The following XRN1 variants were observed in gnomAD, a reference collection of about 807,000 sequenced individuals.
XRN1 encodes strand-exchange protein 1 homolog.
A neutral mutation model predicts 222.3 loss-of-function variants in XRN1; 67 were observed. The observed-to-expected ratio is 0.30, with a 90% CI of 0.25 to 0.37. XRN1 has a LOEUF of 0.37. XRN1 is among the 10% of genes least tolerant of loss of function. The pLI is 1.00. For synonymous variants in XRN1, 643 were observed against 652.4 expected (o/e 0.99, Z 0.22); for missense variants, 1,707 against 2,000.2 (o/e 0.85, Z 2.80).
intron 29 of XRN1, among the ~76,000 whole-genome samples, chr3:142,361,634 T>C (rs2066633469): frequency 6.6e-6 from 1 of 152,236 alleles, no homozygotes; most frequent in African/African-American, 2.4e-5. Context: ...CAAGTCTTTC[T>C]AGTCTGTATG....
chr3:142,388,493 C>A (rs1159114723), intron 20 of XRN1, among the ~76,000 whole-genome samples: 1 of 152,182 alleles, frequency 6.6e-6, no homozygotes, highest in East Asian at 1.9e-4. Flanking sequence ...ACCTCCCACA[C>A]TGTTCAAAGA....
chr3:142,401,355 A>G (rs1202411841), intron 18 of XRN1, among the ~76,000 whole-genome samples: 1 of 152,234 alleles, frequency 6.6e-6, no homozygotes, highest in Non-Finnish European at 1.5e-5. Flanking sequence ...GAAAGCTTTC[A>G]TAAACCATAA....
chr3:142,397,283 A>C (rs1179086094), intron 20 of XRN1, 46 bp downstream of exon 20: 1 of 1,510,830 alleles, frequency 6.6e-7, no homozygotes, highest in Non-Finnish European at 8.9e-7. Context: ...AGTACATTAA[A>C]ACGGATTTTA....
At chr3:142,314,951 GTTTTTTT>G (rs1204432176) in intron 39 of XRN1, among the ~76,000 whole-genome samples, 1 of 88,608 alleles carries the variant, frequency 1.1e-5, no homozygotes, top group Non-Finnish European at 2.2e-5. Flanking sequence ...TCTGTCGTCT[GTTTTTTT>G]TTTTTTTTTT....
chr3:142,377,261 C>A (rs959880210), intron 23 of XRN1, among the ~76,000 whole-genome samples: 1 of 149,232 alleles, frequency 6.7e-6, no homozygotes, highest in Non-Finnish European at 1.5e-5. Context: ...AATATTTAAC[C>A]AGGAAGCAAA....
At chr3:142,400,572 A>G in intron 18 of XRN1, 25 bp from the exon 19 acceptor site, 1 of 1,584,116 alleles carries the variant, frequency 6.3e-7, no homozygotes, top group Middle Eastern at 1.7e-4. Context: ...AAAAAAGTTC[A>G]TTCATGATTT....
At chr3:142,404,138 G>T (rs2068250765) in intron 16 of XRN1, 149 bp from the exon 17 acceptor site, 5 of 676,188 alleles carry the variant, frequency 7.4e-6, no homozygotes, top group Non-Finnish European at 1.2e-5. Context: ...AACACAAGCA[G>T]ATAACCAGCC....
At chr3:142,421,394 C>T in intron 9 of XRN1, 82 bp downstream of exon 9, 1 of 1,159,850 alleles carries the variant, frequency 8.6e-7, no homozygotes. Context: ...TATAAAACCC[C>T]TTTCTTCTGG....
chr3:142,401,327 A>G (rs1375384978), intron 18 of XRN1, among the ~76,000 whole-genome samples: 1 of 152,228 alleles, frequency 6.6e-6, no homozygotes. Context: ...GTTGAGGATA[A>G]AAGAAAATCA....
chr3:142,420,029 T>A (rs1215990559), intron 10 of XRN1, among the ~76,000 whole-genome samples: 1 of 152,220 alleles, frequency 6.6e-6, no homozygotes, highest in Non-Finnish European at 1.5e-5. Context: ...AAAGTAATTG[T>A]GGTTTTTGCC....
chr3:142,359,820 G>T lies in XRN1; in HGVS notation c.3464+42C>A. On this transcript the variant is annotated intron_variant, in intron 30 of 40. Coordinates refer to ENST00000392981, the MANE Select transcript of XRN1 (RefSeq NM_001282857.2). Reference sequence around the variant, plus strand: ...AGTAATGTAAAGTCACTGGCCACATGAACATATTCACAAAGGGCAATTATC... The same window carrying T: ...AGTAATGTAAAGTCACTGGCCACATTAACATATTCACAAAGGGCAATTATC... 4 of 1,421,414 alleles carry T rather than the reference G, an allele frequency of 2.8e-6. No individual in the cohort carries two copies. The South Asian group carries it at 3.7e-5, about 13-fold the overall frequency. 88.1% of individuals were successfully genotyped at this position (1,421,414 alleles called of 1,614,324 possible). A position where few individuals can be genotyped will look rare whatever the true frequency, so the allele number is the denominator to read the frequency against.
At position 142,384,649 on chromosome 3, in the gene XRN1, T is replaced by G; in HGVS notation, c.2376A>C (p.Thr792=). The G allele has an allele frequency of 6.2e-7, 1 of 1,602,902 alleles. No individual in the cohort carries two copies. The highest frequency in any genetic ancestry group is 8.5e-7 in the Non-Finnish European group (1 of 1,175,960). Reference sequence around the variant, plus strand: ...GTAACTGAGCATACACAACTGCAGATGTTTCATTTATTATTATTCCTTTTC... The same window carrying G: ...GTAACTGAGCATACACAACTGCAGAGGTTTCATTTATTATTATTCCTTTTC... ...LRRKGIIINE[T]SAVVYAQLLT... Residue 792 remains threonine (T), a synonymous_variant, in exon 21 of 41, where the codon ACA becomes ACC. Coordinates refer to ENST00000392981, the MANE Select transcript of XRN1 (RefSeq NM_001282857.2).
intron 32 of XRN1, among the ~76,000 whole-genome samples, chr3:142,348,558 A>C (rs1054359369): frequency 1.7e-4 from 26 of 152,196 alleles, no homozygotes; most frequent in African/African-American, 4.6e-4. Flanking sequence ...AAGCAACAAG[A>C]AGCAGCAGAA....
At chr3:142,414,395 T>A (rs530169183) in intron 13 of XRN1, 104 bp from the exon 14 acceptor site, 727 of 929,856 alleles carry the variant, frequency 7.8e-4, no homozygotes, top group Non-Finnish European at 1.0e-3. Flanking sequence ...AAAATAATTT[T>A]AAAAAATTAG....
intron 13 of XRN1, among the ~76,000 whole-genome samples, chr3:142,414,786 C>T (rs376113395): frequency 3.3e-5 from 5 of 152,198 alleles, no homozygotes; most frequent in Non-Finnish European, 7.3e-5. Context: ...TAAGCCACTG[C>T]GCCTGGCCTA....
chr3:142,306,626 T>C lies in XRN1; in HGVS notation c.*4885A>G, dbSNP rs537717592. On this transcript the variant is annotated 3_prime_UTR_variant, in exon 41 of 41. Transcript: ENST00000392981. ...AACAGCTTATAAAATCATTCTCAAG[T>C]CTTTAATTAAAATCCATAGAGCATT... 3.3e-5 allele frequency: 5 copies of C among 152,462 alleles called. No individual in the cohort carries two copies. Among genetic ancestry groups the C allele is most frequent in the African/African-American group, 9.6e-5 (4 of 41,584 alleles). The allele number at this position is 152,462 out of a possible 1,614,324, so 9.4% of individuals were successfully genotyped here.
chr3:142,418,326 T>C (rs553904458), intron 12 of XRN1, 178 bp downstream of exon 12: 3 of 499,086 alleles, frequency 6.0e-6, no homozygotes, highest in Admixed American at 7.8e-5. Context: ...CACAGGAATA[T>C]AATACAAGTC....
intron 33 of XRN1, among the ~76,000 whole-genome samples, chr3:142,346,468 G>C (rs1326032324): frequency 1.3e-5 from 2 of 151,644 alleles, no homozygotes; most frequent in Non-Finnish European, 2.9e-5. Context: ...CATGTTGAGA[G>C]CAGACACAAT....
chr3:142,438,453 G>A (rs1283056418), intron 1 of XRN1, among the ~76,000 whole-genome samples: 1 of 152,184 alleles, frequency 6.6e-6, no homozygotes, highest in African/African-American at 2.4e-5. Flanking sequence ...AGAGGTCCAT[G>A]GGTGGTTACG....
Sources: allele counts gnomAD v4.1 joint callset (sites outside exome capture counted in the v4.1 genomes callset), GRCh38; gene constraint gnomAD v4.1.1; transcripts MANE v1.5; gene names NCBI Gene and HGNC (gene_info 2026-07-23, HGNC 2026-07-21).